The following ASCC3 variants were observed in gnomAD, a reference collection of about 807,000 sequenced individuals.
ASCC3 encodes ASC-1 complex subunit P200.
In ASCC3, 158 loss-of-function variants were observed where a neutral mutation model predicts 256.3. That is an observed-to-expected ratio of 0.62 (90% CI 0.54 to 0.70). The LOEUF is 0.70. Ranked by LOEUF, ASCC3 falls within the 30% of genes least tolerant of loss-of-function variation. The pLI, the probability that ASCC3 is intolerant of heterozygous loss-of-function variation, is 0.00. For synonymous variants in ASCC3, 948 were observed against 883.4 expected (o/e 1.07, Z -1.30); for missense variants, 2,259 against 2,626.0 (o/e 0.86, Z 3.05).
chr6:100,581,026 G>A (rs1343862280), intron 36 of ASCC3, among the ~76,000 whole-genome samples: 1 of 152,104 alleles, frequency 6.6e-6, no homozygotes, highest in Non-Finnish European at 1.5e-5. Flanking sequence ...ATTGCGAATA[G>A]TGCCGCAATA....
chr6:100,662,285 C>T (rs1463517496), intron 15 of ASCC3, 60 bp downstream of exon 15: 50 of 1,542,804 alleles, frequency 3.2e-5, no homozygotes, highest in Admixed American at 5.4e-5. Flanking sequence ...TGTAAGTCAA[C>T]CCAGAGCCTT....
intron 36 of ASCC3, among the ~76,000 whole-genome samples, chr6:100,554,244 G>A (rs1769450495): frequency 6.6e-6 from 1 of 152,110 alleles, no homozygotes; most frequent in South Asian, 2.1e-4. Flanking sequence ...GAGTGTGTGT[G>A]TATTTTTAAA....
intron 10 of ASCC3, among the ~76,000 whole-genome samples, chr6:100,763,541 C>T (rs763575339): frequency 7.2e-5 from 11 of 152,036 alleles, no homozygotes; most frequent in East Asian, 5.8e-4. Context: ...TGCAAAGCTT[C>T]GGGAGAGAAT....
chr6:100,873,426 G>T (rs1358982914), intron 1 of ASCC3, among the ~76,000 whole-genome samples: 1 of 152,102 alleles, frequency 6.6e-6, no homozygotes, highest in East Asian at 1.9e-4. Context: ...AGGAAGAAGA[G>T]AAATCTAAAC....
intron 36 of ASCC3, among the ~76,000 whole-genome samples, chr6:100,541,071 A>G (rs979280222): frequency 1.3e-5 from 2 of 152,142 alleles, no homozygotes; most frequent in Admixed American, 1.3e-4. Flanking sequence ...AATTGAACCT[A>G]CAAGCGAAAC....
chr6:100,717,588 T>C (rs1779140644), intron 12 of ASCC3, among the ~76,000 whole-genome samples: 1 of 151,918 alleles, frequency 6.6e-6, no homozygotes. Flanking sequence ...TTTATATATA[T>C]AATAATAAAG....
intron 1 of ASCC3, among the ~76,000 whole-genome samples, chr6:100,870,028 G>A (rs948227515): frequency 1.3e-5 from 2 of 152,092 alleles, no homozygotes; most frequent in African/African-American, 4.8e-5. Flanking sequence ...CAAGGAGAAA[G>A]TGACAAGTCT....
chr6:100,602,176 A>G (rs1030568775), intron 33 of ASCC3, among the ~76,000 whole-genome samples: 1 of 152,058 alleles, frequency 6.6e-6, no homozygotes, highest in African/African-American at 2.4e-5. Flanking sequence ...TAGTATCATG[A>G]ACTCAGGTGA....
chr6:100,531,075 G>T (rs958764096), intron 37 of ASCC3: 14 of 1,352,170 alleles, frequency 1.0e-5, no homozygotes, highest in African/African-American at 7.2e-5. Context: ...CTTCTAGAAC[G>T]TACATAGTCT....
chr6:100,830,360 T>A (rs1771563604), intron 4 of ASCC3, among the ~76,000 whole-genome samples: 1 of 152,114 alleles, frequency 6.6e-6, no homozygotes, highest in African/African-American at 2.4e-5. Context: ...CAAGAAGAAA[T>A]GAACATTTAT....
intron 37 of ASCC3, among the ~76,000 whole-genome samples, chr6:100,539,628 C>T (rs982459929): frequency 1.3e-5 from 2 of 152,040 alleles, no homozygotes; most frequent in Non-Finnish European, 2.9e-5. Flanking sequence ...GAATACACAC[C>T]TCCAGAGACC....
chr6:100,702,597 T>C (rs1478054117), intron 13 of ASCC3, among the ~76,000 whole-genome samples: 3 of 152,000 alleles, frequency 2.0e-5, no homozygotes, highest in African/African-American at 4.8e-5. Context: ...GCTAAATTTA[T>C]AAAGGGTCTA....
intron 4 of ASCC3, among the ~76,000 whole-genome samples, chr6:100,823,326 A>G (rs1325521850): frequency 6.6e-6 from 1 of 152,236 alleles, no homozygotes; most frequent in East Asian, 1.9e-4. Context: ...TGAAGTTATC[A>G]AATTAAAAAC....
At chr6:100,798,172 A>T (rs1345485435) in intron 8 of ASCC3, among the ~76,000 whole-genome samples, 1 of 152,112 alleles carries the variant, frequency 6.6e-6, no homozygotes, top group East Asian at 1.9e-4. Context: ...GAATACTTTA[A>T]CCTAAACTAA....
At position 100,678,643 on chromosome 6, in the gene ASCC3, G is replaced by A. The variant is rs988502279; in HGVS notation, c.2286+975C>T. ...CAGTAACCAATCAGTTAAATCTTAC[G>A]TTATATATATATATAAAATTTAAAG... On this transcript the variant is annotated intron_variant, in intron 14 of 41. Transcript: ENST00000369162. Among the ~76,000 whole-genome samples, 4 of 151,778 alleles carry A rather than the reference G, an allele frequency of 2.6e-5. No homozygotes were observed. In the East Asian group the frequency reaches 5.8e-4, roughly 22 times the overall value.
intron 14 of ASCC3, among the ~76,000 whole-genome samples, chr6:100,678,758 A>G (rs1777149247): frequency 6.6e-6 from 1 of 152,126 alleles, no homozygotes; most frequent in Admixed American, 6.6e-5. Context: ...TTCTGCAAAG[A>G]AACAGAAAGT....
At chr6:100,668,488 G>A (rs1375959725) in intron 14 of ASCC3, among the ~76,000 whole-genome samples, 1 of 151,794 alleles carries the variant, frequency 6.6e-6, no homozygotes, top group Admixed American at 6.6e-5. Context: ...TTTAACAGCT[G>A]GGCTTTCAAA....
chr6:100,685,980 T>A (rs1157593239), intron 13 of ASCC3, among the ~76,000 whole-genome samples: 1 of 152,162 alleles, frequency 6.6e-6, no homozygotes, highest in Non-Finnish European at 1.5e-5. Flanking sequence ...TAACTTTCCA[T>A]ATTTAGTTAT....
At chr6:100,662,248 A>C in intron 15 of ASCC3, 97 bp downstream of exon 15, 1 of 1,315,502 alleles carries the variant, frequency 7.6e-7, no homozygotes, top group Non-Finnish European at 1.0e-6. Flanking sequence ...AAAGTCAAGG[A>C]AACAGCCAAA....
Sources: gnomAD v4.1 joint callset for allele counts (sites outside exome capture counted in the v4.1 genomes callset) on GRCh38, gnomAD v4.1.1 for gene constraint, MANE v1.5 for transcripts, NCBI Gene and HGNC (gene_info 2026-07-23, HGNC 2026-07-21) for gene names.